The following PTK7 variants were observed in gnomAD, a reference collection of about 807,000 sequenced individuals.
PTK7 encodes the protein protein tyrosine kinase 7 (inactive).
In PTK7, 39 loss-of-function variants were observed where a neutral mutation model predicts 116.6. That is an observed-to-expected ratio of 0.33 (90% confidence interval 0.26 to 0.44). The LOEUF (loss-of-function observed/expected upper bound fraction) is 0.44. PTK7 is among the 20% of genes least tolerant of loss of function. The probability of loss-of-function intolerance (pLI) is 1.00; values close to 1 mark genes in which losing one functional copy is unlikely to be tolerated. For synonymous variants in PTK7, 546 were observed against 563.6 expected, an observed-to-expected ratio of 0.97 and a Z score of 0.44; for missense variants, 1,169 against 1,425.6, an observed-to-expected ratio of 0.82 and a Z score of 2.90.
In PTK7 at chr6:43,143,851, A is replaced by G. The variant is rs904393923; in HGVS notation, c.2251+231A>G. The stretch of plus-strand genomic sequence containing the variant: ...TTGGAGCCCCTTGGACCAGCTTCCT[A>G]TGATTCCCTGCTGTTTCCTCCTCCC... On this transcript the variant is annotated intron_variant, in intron 14 of 19. Coordinates refer to ENST00000230419, the MANE Select transcript of PTK7 (RefSeq NM_002821.5). This position sits in a 1 kb window ranked among gnomAD's most constrained non-coding sequence, Gnocchi z 4.2. 2.6e-5 allele frequency among the ~76,000 whole-genome samples: 4 copies of G among 152,180 alleles called. No individual in the cohort carries two copies. Among genetic ancestry groups the G allele is most frequent in the African/African-American group, 4.8e-5 (2 of 41,438 alleles).
At chr6:43,127,711 C>T (rs963940321) in intron 1 of PTK7, among the ~76,000 whole-genome samples, 6 of 152,044 alleles carry the variant, frequency 3.9e-5, no homozygotes, top group Non-Finnish European at 7.4e-5. Context: ...GGGCGGATCA[C>T]GAGGTCAGGA....
At chr6:43,131,520 T>TCA (rs1769680996) in intron 5 of PTK7, among the ~76,000 whole-genome samples, 1 of 152,148 alleles carries the variant, frequency 6.6e-6, no homozygotes, top group Middle Eastern at 3.2e-3. Context: ...GAAGACCAAG[T>TCA]CACGTCTTAC....
At chr6:43,077,024 C>G in intron 1 of PTK7, 1 of 1,365,758 alleles carries the variant, frequency 7.3e-7, no homozygotes, top group Non-Finnish European at 9.5e-7. Context: ...GCCGGACAGA[C>G]CTGCGGCGCG....
chr6:43,100,522 GTT>G (rs746747820), intron 1 of PTK7, among the ~76,000 whole-genome samples: 5 of 147,838 alleles, frequency 3.4e-5, no homozygotes, highest in Admixed American at 1.4e-4. Context: ...TGTTAAATCT[GTT>G]TTGATTTTAT....
At chr6:43,136,022 TA>T (rs1770015551) in intron 7 of PTK7, among the ~76,000 whole-genome samples, 2 of 152,218 alleles carry the variant, frequency 1.3e-5, no homozygotes, top group African/African-American at 4.8e-5. Context: ...ACCCCGTCTC[TA>T]CTAAAAATAC....
At chr6:43,135,788 C>T (rs1769999210) in intron 7 of PTK7, among the ~76,000 whole-genome samples, 2 of 152,236 alleles carry the variant, frequency 1.3e-5, no homozygotes, top group South Asian at 2.1e-4. Flanking sequence ...ACATAGCAAA[C>T]CACTTCAAAA....
chr6:43,155,864 C>T (rs1361433848), intron 17 of PTK7, among the ~76,000 whole-genome samples: 1 of 152,090 alleles, frequency 6.6e-6, no homozygotes, highest in Non-Finnish European at 1.5e-5. Flanking sequence ...TACATGTGTA[C>T]ACTTATAAAA....
At chr6:43,144,114 T>C (rs1415997804) in intron 14 of PTK7, among the ~76,000 whole-genome samples, 1 of 152,228 alleles carries the variant, frequency 6.6e-6, no homozygotes, top group Non-Finnish European at 1.5e-5. Flanking sequence ...TGTGCCTGTT[T>C]AGGGCTTTGC....
In PTK7 at chr6:43,129,197, G is replaced by T. The variant is rs1486557641; in HGVS notation, c.300G>T (p.Gln100His). The change falls in exon 2 of 20, where the codon CAG (glutamine) becomes CAT (histidine). Residue 100 changes from glutamine (Q) to histidine (H), a missense_variant. Around this residue, in one of 3 missense-constraint regions of PTK7, gnomAD observed 487 missense variants for 549.8 expected, o/e 0.89. Coordinates refer to ENST00000230419, the MANE Select transcript of PTK7 (RefSeq NM_002821.5). This position sits in a 1 kb window ranked among gnomAD's most constrained non-coding sequence, Gnocchi z 4.5. ...GGCTGCAGGACTCTGGCACCTTCCA[G>T]TGTGTGGCTCGGGATGATGTCACTG... is the stretch of plus-strand genomic sequence containing the variant. ...VDRLQDSGTF[Q>H]CVARDDVTGE... 1 of 1,614,098 alleles carries T rather than the reference G, an allele frequency of 6.2e-7. No individual in the cohort carries two copies. Among genetic ancestry groups the T allele is most frequent in the Non-Finnish European group, 8.5e-7 (1 of 1,180,060 alleles).
At chr6:43,157,349 TATATA>T (rs1387119291) in intron 17 of PTK7, among the ~76,000 whole-genome samples, 3 of 11,470 alleles carry the variant, frequency 2.6e-4, no homozygotes, top group Admixed American at 1.1e-3. Flanking sequence ...TATATATATA[TATATA>T]TATATATATA....
chr6:43,094,776 C>A (rs1274147968), intron 1 of PTK7, among the ~76,000 whole-genome samples: 1 of 151,908 alleles, frequency 6.6e-6, no homozygotes, highest in Admixed American at 6.6e-5. Context: ...CTGCGCCCGG[C>A]CACAAAATTG....
chr6:43,159,900 A>T lies in PTK7; in HGVS notation c.2986A>T (p.Met996Leu). 6.2e-7 allele frequency: 1 copy of T among 1,614,172 alleles called. No homozygotes were observed. Among genetic ancestry groups the T allele is most frequent in the Non-Finnish European group, 8.5e-7 (1 of 1,180,008 alleles). Reference sequence around the variant, plus strand: ...TGATGTCTGGGCCTTCGGTGTGCTGATGTGGGAAGTGTTTACACATGGAGA... The same window carrying T: ...TGATGTCTGGGCCTTCGGTGTGCTGTTGTGGGAAGTGTTTACACATGGAGA... ...KSDVWAFGVL[M>L]WEVFTHGEMP... is the part of the protein sequence containing the mutation. Residue 996 changes from methionine (M) to leucine (L), a missense_variant, in exon 19 of 20, where the codon ATG becomes TTG. Coordinates refer to ENST00000230419, the MANE Select transcript of PTK7 (RefSeq NM_002821.5).
At chr6:43,140,748 CATG>C (rs1339005676) in intron 10 of PTK7, among the ~76,000 whole-genome samples, 1 of 152,026 alleles carries the variant, frequency 6.6e-6, no homozygotes, top group Non-Finnish European at 1.5e-5. Flanking sequence ...ATTAGCCAGG[CATG>C]GTGGTGCATG....
chr6:43,107,645 T>C (rs1384127649), intron 1 of PTK7, among the ~76,000 whole-genome samples: 3 of 152,222 alleles, frequency 2.0e-5, no homozygotes, highest in African/African-American at 4.8e-5. Context: ...CAGTGTCTTA[T>C]GAAGTACTTG....
chr6:43,103,704 C>T (rs1049857536), intron 1 of PTK7, among the ~76,000 whole-genome samples: 1 of 152,150 alleles, frequency 6.6e-6, no homozygotes, highest in Non-Finnish European at 1.5e-5. Context: ...TCTCTGAACT[C>T]ACAGCCTTAA....
chr6:43,146,926 A>T (rs982040401), intron 17 of PTK7, among the ~76,000 whole-genome samples: 1 of 152,250 alleles, frequency 6.6e-6, no homozygotes, highest in African/African-American at 2.4e-5. Context: ...CAGGTCATGT[A>T]GCCTGGAAGT....
intron 1 of PTK7, among the ~76,000 whole-genome samples, chr6:43,098,029 TTA>T (rs1767353288): frequency 6.6e-6 from 1 of 152,160 alleles, no homozygotes; most frequent in African/African-American, 2.4e-5. Context: ...TGAACTGTGT[TTA>T]TTCATCTGTA....
rs113762173 is a variant in PTK7 at position 43,123,608 on chromosome 6, G to T, written c.80-5369G>T. The stretch of plus-strand genomic sequence containing the variant: ...CACCAGACCAGATGCTGGCGGGGGT[G>T]GGGGTGGAGGGCAGGCACGGGAGAC... On this transcript the variant is annotated intron_variant, in intron 1 of 19. Coordinates refer to ENST00000230419, the MANE Select transcript of PTK7 (RefSeq NM_002821.5). Among the ~76,000 whole-genome samples the T allele has an allele frequency of 1.9e-4, 29 of 152,156 alleles. 1 individual carries two copies. In the East Asian group the frequency reaches 4.1e-3, roughly 21 times the overall value.
At chr6:43,148,361 A>G (rs1187848424) in intron 17 of PTK7, among the ~76,000 whole-genome samples, 1 of 152,206 alleles carries the variant, frequency 6.6e-6, no homozygotes, top group African/African-American at 2.4e-5. Context: ...GACTTGAGGT[A>G]AAACAGAAAG....
Sources: allele counts gnomAD v4.1 joint callset (sites outside exome capture counted in the v4.1 genomes callset), GRCh38; gene constraint gnomAD v4.1.1; regional missense constraint gnomAD v4.1.1; non-coding constraint Gnocchi (gnomAD v3.1); transcripts MANE v1.5; gene names NCBI Gene and HGNC (gene_info 2026-07-23, HGNC 2026-07-21).